SUGCT: variants seen among roughly 807,000 people sequenced by gnomAD.
SUGCT encodes succinyl-CoA:glutarate-CoA transferase.
In SUGCT, 41 loss-of-function variants were observed where a neutral mutation model predicts 55.0. The ratio of observed to expected loss-of-function variants is 0.74; its 90% CI spans 0.58 to 0.97. The LOEUF (loss-of-function observed/expected upper bound fraction) is 0.97. Among genes scored for constraint, SUGCT ranks in the 50% least tolerant of loss-of-function variants. The pLI is 0.00. For missense variants in SUGCT, 568 were observed against 547.8 expected (o/e 1.04, Z -0.37); for synonymous variants, 187 against 200.4 (o/e 0.93, Z 0.56).
At chr7:40,865,151 C>CT (rs1390676091), downstream of SUGCT, among the ~76,000 whole-genome samples, 3 of 151,864 alleles carry the variant, frequency 2.0e-5, no homozygotes, top group East Asian at 5.8e-4. Flanking sequence ...CCAACCCCCC[C>CT]TCCTCCTCTC....
At chr7:40,273,894 A>T (rs928900425) in intron 7 of SUGCT, among the ~76,000 whole-genome samples, 2 of 152,160 alleles carry the variant, frequency 1.3e-5, no homozygotes, top group African/African-American at 4.8e-5. Context: ...CCAGTGCTCC[A>T]TGTCCCATAA....
At chr7:41,014,573 T>C in the SUGCT span, among the ~76,000 whole-genome samples, 1 of 152,160 alleles carries the variant, frequency 6.6e-6, no homozygotes, top group Non-Finnish European at 1.5e-5. Flanking sequence ...GAGTCCCAGC[T>C]GAGGACTTGG....
intron 9 of SUGCT, among the ~76,000 whole-genome samples, chr7:40,342,787 C>T (rs995145727): frequency 3.3e-5 from 5 of 152,156 alleles, no homozygotes; most frequent in South Asian, 2.1e-4. Flanking sequence ...GGATTACAGG[C>T]GCCTGCCCCC....
the SUGCT span, among the ~76,000 whole-genome samples, chr7:40,939,851 G>A: frequency 6.6e-6 from 1 of 151,872 alleles, no homozygotes; most frequent in Non-Finnish European, 1.5e-5. Context: ...TCTGATGATT[G>A]TCTCTTTTGC....
At chr7:40,202,097 C>A (rs1287900783) in intron 6 of SUGCT, among the ~76,000 whole-genome samples, 1 of 152,108 alleles carries the variant, frequency 6.6e-6, no homozygotes, top group Non-Finnish European at 1.5e-5. Flanking sequence ...CTCAGCCTCT[C>A]GAGAAGCTGG....
chr7:40,276,319 G>A (rs1792475932), intron 8 of SUGCT, among the ~76,000 whole-genome samples: 1 of 152,120 alleles, frequency 6.6e-6, no homozygotes, highest in South Asian at 2.1e-4. Context: ...GGAACCTGAG[G>A]TAGGGTAAGC....
At chr7:40,886,289 T>C in the SUGCT span, among the ~76,000 whole-genome samples, 1 of 152,072 alleles carries the variant, frequency 6.6e-6, no homozygotes. Context: ...AGATAAGACA[T>C]AAAATGCACA....
chr7:40,893,294 G>A, the SUGCT span, among the ~76,000 whole-genome samples: 2 of 152,046 alleles, frequency 1.3e-5, no homozygotes, highest in Admixed American at 6.6e-5. Context: ...AGGAAACAGT[G>A]GATTTGAACA....
chr7:40,714,607 A>T (rs536933393), intron 12 of SUGCT, among the ~76,000 whole-genome samples: 1 of 152,136 alleles, frequency 6.6e-6, no homozygotes, highest in Non-Finnish European at 1.5e-5. Context: ...CTTTTTTAAG[A>T]TCTTCTCCAT....
intron 11 of SUGCT, among the ~76,000 whole-genome samples, chr7:40,474,269 A>C (rs867543616): frequency 6.6e-6 from 1 of 152,126 alleles, no homozygotes; most frequent in African/African-American, 2.4e-5. Context: ...GGTACCATTA[A>C]TTTTTTAGGG....
intron 1 of SUGCT, among the ~76,000 whole-genome samples, chr7:40,150,803 T>C (rs9690188): frequency 0.57 from 86,595 of 152,110 alleles, 26,407 homozygotes; most frequent in African/African-American, 0.8. Context: ...GATTGCAATT[T>C]CCCTGTCTTG....
intron 13 of SUGCT, among the ~76,000 whole-genome samples, chr7:40,818,407 C>G (rs1057379373): frequency 6.6e-6 from 1 of 152,220 alleles, no homozygotes; most frequent in Non-Finnish European, 1.5e-5. Context: ...GCCTCACCCC[C>G]CTGGGGCCCA....
At chr7:40,372,044 A>G (rs1784319626) in intron 9 of SUGCT, among the ~76,000 whole-genome samples, 1 of 151,902 alleles carries the variant, frequency 6.6e-6, no homozygotes. Context: ...TGAAACACAT[A>G]CTGCAAATGA....
At chr7:40,934,345 T>C in the SUGCT span, among the ~76,000 whole-genome samples, 6 of 152,156 alleles carry the variant, frequency 3.9e-5, no homozygotes, top group African/African-American at 1.2e-4. Context: ...CTGTATGAGG[T>C]GTCTTTCGGC....
At chr7:40,691,776 C>T (rs1248110622) in intron 12 of SUGCT, among the ~76,000 whole-genome samples, 1 of 152,048 alleles carries the variant, frequency 6.6e-6, no homozygotes, top group Non-Finnish European at 1.5e-5. Context: ...TCTTTTTTAT[C>T]TAAAGTTTCA....
chr7:40,620,373 G>A (rs1275114678), intron 12 of SUGCT, among the ~76,000 whole-genome samples: 2 of 152,108 alleles, frequency 1.3e-5, no homozygotes, highest in Admixed American at 1.3e-4. Flanking sequence ...TGGCAAGCTA[G>A]TACTCTACCT....
At chr7:40,769,869 G>A (rs1789002630) in intron 13 of SUGCT, among the ~76,000 whole-genome samples, 1 of 152,112 alleles carries the variant, frequency 6.6e-6, no homozygotes, top group South Asian at 2.1e-4. Flanking sequence ...GGCCCCAAAT[G>A]TACACACCAA....
At chr7:40,723,962 A>C (rs1247948707) in intron 12 of SUGCT, among the ~76,000 whole-genome samples, 1 of 152,224 alleles carries the variant, frequency 6.6e-6, no homozygotes, top group Non-Finnish European at 1.5e-5. Context: ...GTTTCTCAAA[A>C]GGATTCAAGG....
At chr7:40,184,359 G>A (rs1785379829) in intron 3 of SUGCT, among the ~76,000 whole-genome samples, 1 of 151,778 alleles carries the variant, frequency 6.6e-6, no homozygotes, top group Non-Finnish European at 1.5e-5. Context: ...GGCTTACTGC[G>A]GCCTTGACCT....
Sources: allele counts gnomAD v4.1 joint callset (sites outside exome capture counted in the v4.1 genomes callset), GRCh38; gene constraint gnomAD v4.1.1; transcripts MANE v1.5; gene names NCBI Gene and HGNC (gene_info 2026-07-23, HGNC 2026-07-21).